The following FGF12 variants were observed in gnomAD, a reference collection of about 807,000 sequenced individuals.
FGF12 encodes the protein fibroblast growth factor 12B.
Under a neutral mutation model 23.6 loss-of-function variants are expected in FGF12, and 14 were observed. The observed-to-expected ratio is 0.59, with a 90% CI of 0.39 to 0.93. The LOEUF (loss-of-function observed/expected upper bound fraction) is 0.93, where lower values mean the gene tolerates loss of function less well. Ranked by LOEUF, FGF12 falls within the 40% of genes least tolerant of loss-of-function variation. The probability of loss-of-function intolerance (pLI) is 0.00; values close to 1 mark genes in which losing one functional copy is unlikely to be tolerated. For synonymous variants in FGF12, 62 were observed against 77.3 expected (o/e 0.80, Z 1.04); for missense variants, 175 against 217.8 (o/e 0.80, Z 1.24).
At chr3:192,445,406 A>T (rs1209592099) in intron 2 of FGF12, among the ~76,000 whole-genome samples, 1 of 152,214 alleles carries the variant, frequency 6.6e-6, no homozygotes, top group East Asian at 1.9e-4. Context: ...GCAATTTAGG[A>T]ATAGAATTGC....
intron 2 of FGF12, among the ~76,000 whole-genome samples, chr3:192,559,133 A>G (rs1231336099): frequency 6.6e-6 from 1 of 152,010 alleles, no homozygotes; most frequent in Non-Finnish European, 1.5e-5. Flanking sequence ...CTGCCCAGCA[A>G]AGAAAACAAT....
intron 2 of FGF12, among the ~76,000 whole-genome samples, chr3:192,686,974 A>G (rs1031494032): frequency 6.7e-5 from 10 of 150,336 alleles, no homozygotes; most frequent in African/African-American, 2.0e-4. Flanking sequence ...GACTACAGGC[A>G]CCCGCCACCA....
intron 3 of FGF12, among the ~76,000 whole-genome samples, chr3:192,358,733 A>G (rs969984865): frequency 4.6e-5 from 7 of 152,238 alleles, no homozygotes; most frequent in Non-Finnish European, 7.3e-5. Flanking sequence ...TTTGCAAGAT[A>G]GTTGGCTGGG....
chr3:192,407,428 G>C (rs1431963189), intron 2 of FGF12, among the ~76,000 whole-genome samples: 1 of 152,176 alleles, frequency 6.6e-6, no homozygotes, highest in Admixed American at 6.5e-5. Context: ...TAAAGGAAGT[G>C]AAAGAGCATG....
chr3:192,618,272 A>G (rs1714839228), intron 2 of FGF12, among the ~76,000 whole-genome samples: 1 of 151,988 alleles, frequency 6.6e-6, no homozygotes, highest in South Asian at 2.1e-4. Flanking sequence ...AAAATTCTGA[A>G]GTCCGCTAAG....
chr3:192,716,657 C>G (rs899456760), intron 2 of FGF12, among the ~76,000 whole-genome samples: 1 of 152,132 alleles, frequency 6.6e-6, no homozygotes, highest in Non-Finnish European at 1.5e-5. Flanking sequence ...GCCTAAGGGT[C>G]AAATGCTAAC....
At chr3:192,571,011 CCTT>C (rs1430856207) in intron 2 of FGF12, among the ~76,000 whole-genome samples, 1 of 152,152 alleles carries the variant, frequency 6.6e-6, no homozygotes, top group East Asian at 1.9e-4. Context: ...ATTCCATTAA[CCTT>C]CTGATTCTTC....
At chr3:192,250,596 G>T (rs1711942237) in intron 4 of FGF12, among the ~76,000 whole-genome samples, 1 of 151,930 alleles carries the variant, frequency 6.6e-6, no homozygotes, top group Non-Finnish European at 1.5e-5. Flanking sequence ...CCTAATTGCT[G>T]CTAACAATAA....
chr3:192,404,910 T>C (rs1156902345), intron 2 of FGF12, among the ~76,000 whole-genome samples: 3 of 152,158 alleles, frequency 2.0e-5, no homozygotes, highest in Non-Finnish European at 4.4e-5. Context: ...CTGTTCTAAT[T>C]ATAAAATAAC....
chr3:192,170,870 A>G (rs1715520359), intron 4 of FGF12, among the ~76,000 whole-genome samples: 1 of 152,184 alleles, frequency 6.6e-6, no homozygotes, highest in Admixed American at 6.5e-5. Flanking sequence ...GCCCAGAGAT[A>G]ATAACTTGCT....
intron 3 of FGF12, among the ~76,000 whole-genome samples, chr3:192,354,165 T>C (rs1470761324): frequency 6.6e-6 from 1 of 152,216 alleles, no homozygotes; most frequent in Non-Finnish European, 1.5e-5. Context: ...TTGAAATGTT[T>C]GTTGTTGCTA....
chr3:192,526,723 T>G (rs749649058), intron 2 of FGF12, among the ~76,000 whole-genome samples: 2 of 152,238 alleles, frequency 1.3e-5, no homozygotes, highest in Non-Finnish European at 2.9e-5. Context: ...TGAATTGAAT[T>G]GAAAACTTTA....
intron 2 of FGF12, among the ~76,000 whole-genome samples, chr3:192,420,247 C>T (rs959611031): frequency 6.6e-6 from 1 of 152,128 alleles, no homozygotes; most frequent in Non-Finnish European, 1.5e-5. Context: ...GGTTCCCTCA[C>T]ATCAGGCCTT....
intron 2 of FGF12, among the ~76,000 whole-genome samples, chr3:192,650,442 A>G (rs2108675566): frequency 6.6e-6 from 1 of 152,256 alleles, no homozygotes; most frequent in African/African-American, 2.4e-5. Context: ...ACTCCTACTC[A>G]TTCTGAAAGA....
At chr3:192,679,043 T>A (rs1319461546) in intron 2 of FGF12, among the ~76,000 whole-genome samples, 1 of 152,152 alleles carries the variant, frequency 6.6e-6, no homozygotes, top group Non-Finnish European at 1.5e-5. Flanking sequence ...GCCACACTTT[T>A]GAGAATCTCC....
rs1392524961 is a variant in FGF12 at position 192,360,662 on chromosome 3, T to G, written c.14-124A>C. 4 of 677,290 alleles carry G rather than the reference T, an allele frequency of 5.9e-6. No homozygotes were observed. The highest frequency in any genetic ancestry group is 1.0e-5 in the Non-Finnish European group (4 of 381,160). 42.0% of individuals were successfully genotyped at this position (677,290 alleles called of 1,614,324 possible). ...ATAGCTTAAATATTGAATTATGTAT[T>G]TGGGAGTTGGGTGTTTCAGTAACAT... is the stretch of plus-strand genomic sequence containing the variant. On this transcript the variant is annotated intron_variant, in intron 2 of 5. Transcript: ENST00000445105. This position sits in a 1 kb window ranked among gnomAD's most constrained non-coding sequence, Gnocchi z 4.3.
rs191972232 is a variant in FGF12 at position 192,358,617 on chromosome 3, G to A, written c.124+1811C>T. Among the ~76,000 whole-genome samples, 267 of 152,172 alleles carry A rather than the reference G, an allele frequency of 1.8e-3. 3 individuals carry two copies. Among genetic ancestry groups the A allele is most frequent in the Non-Finnish European group, 5.9e-4 (40 of 68,000 alleles). On this transcript the variant is annotated intron_variant, in intron 3 of 5. Transcript: ENST00000445105. ...TTCACCCAGCGTCAGCAGAGCAAGC[G>A]TTGTCAATTATTTTCCTAGAAAGAG...
chr3:192,726,121 A>G (rs1719205961), intron 2 of FGF12, among the ~76,000 whole-genome samples: 1 of 152,244 alleles, frequency 6.6e-6, no homozygotes, highest in Non-Finnish European at 1.5e-5. Context: ...CTCCAGTTTC[A>G]TTAATCAGCC....
intron 2 of FGF12, among the ~76,000 whole-genome samples, chr3:192,688,219 G>T (rs570305994): frequency 2.0e-5 from 3 of 151,364 alleles, no homozygotes; most frequent in African/African-American, 7.3e-5. Context: ...CCAATGTCAT[G>T]GACCCCCAGC....
Sources: allele counts gnomAD v4.1 joint callset (sites outside exome capture counted in the v4.1 genomes callset), GRCh38; gene constraint gnomAD v4.1.1; non-coding constraint Gnocchi (gnomAD v3.1); transcripts MANE v1.5; gene names NCBI Gene and HGNC (gene_info 2026-07-23, HGNC 2026-07-21).